FOXO3: variants seen among roughly 807,000 people sequenced by gnomAD.
The protein encoded by FOXO3 is forkhead box O3.
In FOXO3, 4 loss-of-function variants were observed where a neutral mutation model predicts 41.9. The ratio of observed to expected loss-of-function variants is 0.10; its 90% CI spans 0.05 to 0.22. FOXO3 has a LOEUF of 0.22. FOXO3 is among the 10% of genes least tolerant of loss of function. The probability of loss-of-function intolerance (pLI) is 1.00; values close to 1 mark genes in which losing one functional copy is unlikely to be tolerated. For missense variants in FOXO3, 534 were observed against 906.8 expected (o/e 0.59, Z 5.28); for synonymous variants, 318 against 389.3 (o/e 0.82, Z 2.16).
chr6:108,659,664 T>A (rs1396747247), intron 1 of FOXO3, among the ~76,000 whole-genome samples: 1 of 144,130 alleles, frequency 6.9e-6, no homozygotes, highest in Non-Finnish European at 1.5e-5. Context: ...TTAGGGGACC[T>A]GGGTGGGTGG....
Position 108,684,315 on chromosome 6 carries a change from G to A in FOXO3, c.*4523G>A, listed in dbSNP as rs541937262. On this transcript the variant is annotated 3_prime_UTR_variant, in exon 3 of 3. Coordinates refer to ENST00000406360, the MANE Select transcript of FOXO3 (RefSeq NM_001455.4). Reference sequence around the variant, plus strand: ...TGTATTGTGCATTTTGGCTTCACATGTTTAACTTTTTTTAAGAAAAAAGTT... The same window carrying A: ...TGTATTGTGCATTTTGGCTTCACATATTTAACTTTTTTTAAGAAAAAAGTT... 2.2e-4 allele frequency: 33 copies of A among 152,414 alleles called. No individual in the cohort carries two copies. The East Asian group carries it at 3.7e-3, about 17-fold the overall frequency. The allele number at this position is 152,414 out of a possible 1,614,324, so 9.4% of individuals were successfully genotyped here.
intron 1 of FOXO3, among the ~76,000 whole-genome samples, chr6:108,588,678 G>A (rs1776652320): frequency 6.6e-6 from 1 of 152,224 alleles, no homozygotes. Flanking sequence ...GGTGAGTCAA[G>A]CTGCAGTGCC....
upstream of FOXO3, chr6:108,560,786 C>T: frequency 6.2e-6 from 2 of 322,278 alleles, no homozygotes; most frequent in Non-Finnish European, 5.5e-6. Context: ...CTCCCCCGGG[C>T]GCCCCTCCCC....
At chr6:108,598,799 G>A (rs1448372369) in intron 1 of FOXO3, among the ~76,000 whole-genome samples, 1 of 152,176 alleles carries the variant, frequency 6.6e-6, no homozygotes. Context: ...CCAGGGCATT[G>A]CTTTGTATGG....
At chr6:108,639,556 A>G (rs1289489130) in intron 1 of FOXO3, 23 of 985,370 alleles carry the variant, frequency 2.3e-5, no homozygotes, top group Admixed American at 6.1e-5. Flanking sequence ...GGTGACAGCA[A>G]TGACAGTGGC....
At chr6:108,673,922 A>T (rs553067520) in intron 2 of FOXO3, among the ~76,000 whole-genome samples, 1 of 152,332 alleles carries the variant, frequency 6.6e-6, no homozygotes, top group East Asian at 1.9e-4. Context: ...CACTTTATTG[A>T]CAGCAGCTTG....
intron 2 of FOXO3, among the ~76,000 whole-genome samples, chr6:108,665,093 GCA>G (rs1158743381): frequency 3.9e-5 from 6 of 152,136 alleles, no homozygotes; most frequent in Non-Finnish European, 8.8e-5. Flanking sequence ...CCCTTCCCCC[GCA>G]CAGTTTGCTG....
chr6:108,560,604 G>A (rs983578390), upstream of FOXO3, among the ~76,000 whole-genome samples: 6 of 152,250 alleles, frequency 3.9e-5, no homozygotes, highest in East Asian at 9.7e-4. Context: ...GCCAGGCTAG[G>A]AAAGGGGAGA....
intron 1 of FOXO3, among the ~76,000 whole-genome samples, chr6:108,615,064 T>G (rs1777457284): frequency 6.6e-6 from 1 of 152,172 alleles, no homozygotes; most frequent in Non-Finnish European, 1.5e-5. Flanking sequence ...TTATTCTTAG[T>G]GCTATTTTCT....
In FOXO3 at chr6:108,656,551, T is replaced by A. The variant is rs59881470; in HGVS notation, c.622-6904T>A. The A allele has an allele frequency of 4.2e-3, 4,138 of 977,828 alleles. 137 individuals carry two copies. In the African/African-American group the frequency reaches 0.067, roughly 16 times the overall value. 60.6% of individuals were successfully genotyped at this position (977,828 alleles called of 1,614,324 possible). A position where few individuals can be genotyped will look rare whatever the true frequency, so the allele number is the denominator to read the frequency against. ...TGCTCGGAAAACAGTAAGTTAACAT[T>A]TATGATGTCACTGCTTCCGTGTGGG... On this transcript the variant is annotated intron_variant, in intron 1 of 2. Transcript: ENST00000406360.
intron 1 of FOXO3, among the ~76,000 whole-genome samples, chr6:108,598,235 G>GA (rs1420610820): frequency 1.3e-5 from 2 of 152,142 alleles, no homozygotes; most frequent in Non-Finnish European, 2.9e-5. Context: ...TTGGGGAGGG[G>GA]AAAATCCCTG....
At chr6:108,662,615 T>C (rs999923198) in intron 1 of FOXO3, among the ~76,000 whole-genome samples, 2 of 152,226 alleles carry the variant, frequency 1.3e-5, no homozygotes, top group Non-Finnish European at 2.9e-5. Flanking sequence ...GTAAAAATTC[T>C]CATCGGTTCT....
intron 1 of FOXO3, among the ~76,000 whole-genome samples, chr6:108,600,823 ACTTCAAACAT>A (rs1413117273): frequency 1.3e-5 from 2 of 152,162 alleles, no homozygotes; most frequent in Middle Eastern, 3.2e-3. Flanking sequence ...ATCATCAATG[ACTTCAAACAT>A]CTTATTTTTA....
intron 2 of FOXO3, among the ~76,000 whole-genome samples, chr6:108,678,587 C>T (rs1770713065): frequency 6.6e-6 from 1 of 151,538 alleles, no homozygotes. Flanking sequence ...TCTAAGAGCA[C>T]CTTTTTTGTG....
intron 1 of FOXO3, among the ~76,000 whole-genome samples, chr6:108,662,957 C>T (rs1161907307): frequency 6.6e-6 from 1 of 152,186 alleles, no homozygotes; most frequent in Non-Finnish European, 1.5e-5. Flanking sequence ...CATCTCCCTT[C>T]CCCCTAGATA....
At position 108,561,374 on chromosome 6, in the gene FOXO3, A is replaced by G. The variant is rs1454498105; in HGVS notation, c.166A>G (p.Met56Val). 2.6e-6 allele frequency: 4 copies of G among 1,556,540 alleles called. No homozygotes were observed. Among genetic ancestry groups the G allele is most frequent in the East Asian group, 2.4e-5 (1 of 41,790 alleles). The change falls in exon 1 of 3, where the codon ATG becomes GTG. Residue 56 changes from methionine (M) to valine (V), a missense_variant. Transcript: ENST00000406360. ...CTCGGGGGAGACGGCCGCCGACTCC[A>G]TGATCCCCGAGGAGGAGGACGATGA... ...KPSGETAADSMIPEEEDDEDD... is the reference protein window; with the variant it reads ...KPSGETAADSVIPEEEDDEDD...
At position 108,666,342 on chromosome 6, in the gene FOXO3, TTC is replaced by T. The variant is rs200838727; in HGVS notation, c.*34+1455_*34+1456del. Among the ~76,000 whole-genome samples the T allele has an allele frequency of 9.0e-3, 1,361 of 151,082 alleles. 25 individuals are homozygous for T. The highest frequency in any genetic ancestry group is 0.031 in the African/African-American group (1,255 of 40,484). On this transcript the variant is annotated intron_variant, in intron 2 of 2. Transcript: ENST00000406360. ...GATTTCTTTTTTTTTCTTTTTCTTT[TTC>T]TTTTTTTTTGAGATGGAGTCTTGCT...
chr6:108,654,722 A>C (rs1582818756), intron 1 of FOXO3, among the ~76,000 whole-genome samples: 1 of 150,198 alleles, frequency 6.7e-6, no homozygotes, highest in Non-Finnish European at 1.5e-5. Flanking sequence ...AACAATGTTT[A>C]CTTTAGAGCA....
At chr6:108,639,109 C>T (rs1778189683) in intron 1 of FOXO3, among the ~76,000 whole-genome samples, 1 of 152,286 alleles carries the variant, frequency 6.6e-6, no homozygotes, top group African/African-American at 2.4e-5. Context: ...ACCTCAGGAT[C>T]TATCCCTTTT....
Sources: gnomAD v4.1 joint callset for allele counts (sites outside exome capture counted in the v4.1 genomes callset) on GRCh38, gnomAD v4.1.1 for gene constraint, MANE v1.5 for transcripts, NCBI Gene and HGNC (gene_info 2026-07-23, HGNC 2026-07-21) for gene names.